The following NAALADL2 variants were observed in gnomAD, a reference collection of about 807,000 sequenced individuals.
NAALADL2 encodes N-acetylated alpha-linked acidic dipeptidase like 2.
Under a neutral mutation model 87.2 loss-of-function variants are expected in NAALADL2, and 76 were observed. The observed-to-expected ratio is 0.87, with a 90% CI of 0.72 to 1.05. NAALADL2 has a LOEUF of 1.05. Among genes scored for constraint, NAALADL2 ranks in the 50% least tolerant of loss-of-function variants. The pLI is 0.00. For synonymous variants in NAALADL2, 354 were observed against 331.0 expected (o/e 1.07, Z -0.75); for missense variants, 1,089 against 945.8 (o/e 1.15, Z -1.99).
chr3:175,548,118 A>G (rs995408180), intron 9 of NAALADL2, among the ~76,000 whole-genome samples: 4 of 152,192 alleles, frequency 2.6e-5, no homozygotes, highest in Non-Finnish European at 5.9e-5. Context: ...TCATTGAAAC[A>G]AAATTCAACA....
chr3:174,793,066 T>G (rs1015217872), intron 3 of NAALADL2, among the ~76,000 whole-genome samples: 1 of 152,144 alleles, frequency 6.6e-6, no homozygotes, highest in African/African-American at 2.4e-5. Flanking sequence ...CCACTGCACT[T>G]AAAAGGTGTT....
chr3:174,799,032 T>G (rs1160539673), intron 3 of NAALADL2, among the ~76,000 whole-genome samples: 1 of 152,030 alleles, frequency 6.6e-6, no homozygotes, highest in Non-Finnish European at 1.5e-5. Context: ...TACTTGGGCA[T>G]GGTGGCACAT....
intron 1 of NAALADL2, among the ~76,000 whole-genome samples, chr3:175,040,454 G>A (rs1241657111): frequency 6.6e-6 from 1 of 152,122 alleles, no homozygotes; most frequent in Admixed American, 6.6e-5. Flanking sequence ...CTAGCCTTGT[G>A]GTAGAAAACT....
chr3:174,611,488 G>A (rs534523010), intron 2 of NAALADL2, among the ~76,000 whole-genome samples: 73 of 151,924 alleles, frequency 4.8e-4, no homozygotes, highest in African/African-American at 1.7e-3. Flanking sequence ...TTCTAATTAC[G>A]GTAGGAATAG....
chr3:175,428,901 T>C (rs1466758906), intron 5 of NAALADL2, among the ~76,000 whole-genome samples: 1 of 152,110 alleles, frequency 6.6e-6, no homozygotes, highest in Admixed American at 6.6e-5. Context: ...ATATCTATTT[T>C]TATCTGGCTT....
chr3:175,532,136 C>T (rs936719213), intron 9 of NAALADL2, among the ~76,000 whole-genome samples: 2 of 152,124 alleles, frequency 1.3e-5, no homozygotes, highest in Non-Finnish European at 2.9e-5. Context: ...ACAGGACCCA[C>T]TGGACCCACT....
chr3:174,690,502 G>A (rs545710583), intron 2 of NAALADL2, among the ~76,000 whole-genome samples: 42 of 152,254 alleles, frequency 2.8e-4, no homozygotes, highest in African/African-American at 1.0e-3. Flanking sequence ...TCTGCTGTCA[G>A]CTGATATGTG....
intron 6 of NAALADL2, among the ~76,000 whole-genome samples, chr3:175,449,417 A>T (rs1721207148): frequency 8.7e-6 from 1 of 115,074 alleles, no homozygotes; most frequent in East Asian, 2.9e-4. Context: ...TTTTTTTGAG[A>T]CAGAGTCTCG....
At chr3:174,487,130 T>C (rs1320682627) in intron 1 of NAALADL2, among the ~76,000 whole-genome samples, 1 of 152,004 alleles carries the variant, frequency 6.6e-6, no homozygotes, top group Admixed American at 6.6e-5. Context: ...ACAAAATCAG[T>C]ATGTAATAGT....
At chr3:174,552,136 A>T (rs1712199938) in intron 2 of NAALADL2, among the ~76,000 whole-genome samples, 1 of 152,218 alleles carries the variant, frequency 6.6e-6, no homozygotes, top group Non-Finnish European at 1.5e-5. Flanking sequence ...TTAACTATGT[A>T]AGACAATAAT....
intron 1 of NAALADL2, chr3:175,081,251 A>G (rs1359843611): frequency 3.9e-5 from 6 of 152,220 alleles, no homozygotes; most frequent in Admixed American, 6.5e-5. Flanking sequence ...ATGTTATCAA[A>G]TATAATGTGA....
chr3:175,282,911 C>CTTTTTTTTT (rs77457477), intron 4 of NAALADL2, among the ~76,000 whole-genome samples: 1 of 137,214 alleles, frequency 7.3e-6, no homozygotes, highest in Admixed American at 7.3e-5. Context: ...TTTCTGTCTT[C>CTTTTTTTTT]TTTTTTTTTT....
chr3:174,672,912 T>C (rs1349181282), intron 2 of NAALADL2, among the ~76,000 whole-genome samples: 1 of 50,542 alleles, frequency 2.0e-5, no homozygotes, highest in Non-Finnish European at 3.6e-5. Context: ...GATTGTGGCT[T>C]GTACACAGTG....
At chr3:174,800,589 C>T (rs546261624) in intron 3 of NAALADL2, among the ~76,000 whole-genome samples, 1 of 151,160 alleles carries the variant, frequency 6.6e-6, no homozygotes, top group Admixed American at 6.6e-5. Context: ...TGGAGCCCCT[C>T]CCCCCCAACA....
At chr3:174,564,808 A>T (rs1714044485) in intron 2 of NAALADL2, among the ~76,000 whole-genome samples, 1 of 151,654 alleles carries the variant, frequency 6.6e-6, no homozygotes, top group South Asian at 2.1e-4. Flanking sequence ...GGTATTTCAG[A>T]TTTCCTTTGG....
chr3:175,570,473 G>C (rs1717891364), intron 9 of NAALADL2, among the ~76,000 whole-genome samples: 1 of 151,978 alleles, frequency 6.6e-6, no homozygotes, highest in African/African-American at 2.4e-5. Context: ...TAACATCATT[G>C]GTGTCATTGT....
chr3:174,944,439 G>A (rs1051328923), intron 1 of NAALADL2, among the ~76,000 whole-genome samples: 5 of 152,070 alleles, frequency 3.3e-5, no homozygotes, highest in Admixed American at 2.0e-4. Flanking sequence ...CCCCTCCCCC[G>A]GGAGCTCTGT....
intron 9 of NAALADL2, among the ~76,000 whole-genome samples, chr3:175,513,523 T>C (rs949480347): frequency 6.6e-6 from 1 of 152,208 alleles, no homozygotes; most frequent in Non-Finnish European, 1.5e-5. Flanking sequence ...CTGTTCATGA[T>C]AGGCAATACT....
At chr3:175,283,584 C>A (rs1397445317) in intron 4 of NAALADL2, among the ~76,000 whole-genome samples, 1 of 152,140 alleles carries the variant, frequency 6.6e-6, no homozygotes, top group South Asian at 2.1e-4. Context: ...ACATTAACAT[C>A]ATTATTTGCA....
Sources: allele counts gnomAD v4.1 joint callset (sites outside exome capture counted in the v4.1 genomes callset), GRCh38; gene constraint gnomAD v4.1.1; transcripts MANE v1.5; gene names NCBI Gene and HGNC (gene_info 2026-07-23, HGNC 2026-07-21).